Variants in EXOC4 observed in about 807,000 individuals in gnomAD.
EXOC4 encodes the protein exocyst complex component 4, also known as SEC8-like 1.
A neutral mutation model predicts 107.2 loss-of-function variants in EXOC4; 71 were observed. The observed-to-expected ratio is 0.66, with a 90% CI of 0.55 to 0.81. The LOEUF is 0.81. Ranked by LOEUF, EXOC4 falls within the 30% of genes least tolerant of loss-of-function variation. EXOC4 has a pLI of 0.00. For missense variants in EXOC4, 1,108 were observed against 1,189.6 expected, an observed-to-expected ratio of 0.93 and a Z score of 1.01; for synonymous variants, 456 against 441.2, an observed-to-expected ratio of 1.03 and a Z score of -0.42.
intron 9 of EXOC4, among the ~76,000 whole-genome samples, chr7:133,507,918 G>T (rs935234695): frequency 1.3e-5 from 2 of 151,952 alleles, no homozygotes; most frequent in Non-Finnish European, 2.9e-5. Context: ...AAAATTAACT[G>T]GGCATGGTAG....
At position 133,475,025 on chromosome 7, in the gene EXOC4, G is replaced by A. The variant is rs866821265; in HGVS notation, c.1183-303G>A. 5.1e-4 allele frequency among the ~76,000 whole-genome samples: 77 copies of A among 152,226 alleles called. 1 individual carries two copies. Among genetic ancestry groups the A allele is most frequent in the African/African-American group, 1.7e-3 (70 of 41,536 alleles). On this transcript the variant is annotated intron_variant, in intron 7 of 17. Coordinates refer to ENST00000253861, the MANE Select transcript of EXOC4 (RefSeq NM_021807.4). Reference sequence around the variant, plus strand: ...ATGAGGATTAAATTGTGATTAAAGAGGAATGTTGATTAACTCACTCAGCAC... The same window carrying A: ...ATGAGGATTAAATTGTGATTAAAGAAGAATGTTGATTAACTCACTCAGCAC...
intron 9 of EXOC4, among the ~76,000 whole-genome samples, chr7:133,490,078 T>C (rs1415982649): frequency 6.6e-6 from 1 of 152,178 alleles, no homozygotes; most frequent in Non-Finnish European, 1.5e-5. Flanking sequence ...TGGAATGTGG[T>C]AAGTCCTCCT....
intron 7 of EXOC4, among the ~76,000 whole-genome samples, chr7:133,412,709 T>TA (rs933850216): frequency 2.0e-5 from 3 of 152,050 alleles, no homozygotes; most frequent in African/African-American, 7.2e-5. Context: ...GCCTAATTCA[T>TA]GTGACACCAT....
In EXOC4 at chr7:134,052,201, C is replaced by T. The variant is rs76695202; in HGVS notation, c.2688-12090C>T. On this transcript the variant is annotated intron_variant, in intron 17 of 17. Transcript: ENST00000253861. ...TCAACAATGAAAAGGAGAAAAGACA[C>T]GAGGGGAGAGATGGAGTGGACATGG... 9.8e-3 allele frequency among the ~76,000 whole-genome samples: 1,492 copies of T among 152,038 alleles called. 26 individuals are homozygous for T. Among genetic ancestry groups the T allele is most frequent in the African/African-American group, 0.035 (1,443 of 41,472 alleles).
chr7:133,971,381 G>A (rs1157408614), intron 14 of EXOC4, among the ~76,000 whole-genome samples: 1 of 139,296 alleles, frequency 7.2e-6, no homozygotes, highest in Non-Finnish European at 1.5e-5. Context: ...GAGAGAGAGA[G>A]AGAGAGAGAG....
At chr7:133,966,588 G>A (rs1043765512) in intron 14 of EXOC4, among the ~76,000 whole-genome samples, 3 of 152,154 alleles carry the variant, frequency 2.0e-5, no homozygotes, top group African/African-American at 4.8e-5. Context: ...ATAATCATGT[G>A]GTTTTGGTCA....
chr7:133,945,355 G>A (rs945714015), intron 14 of EXOC4, among the ~76,000 whole-genome samples: 1 of 152,148 alleles, frequency 6.6e-6, no homozygotes, highest in African/African-American at 2.4e-5. Flanking sequence ...CTCTATATTT[G>A]GGAAATGCTT....
At chr7:133,475,196 A>G (rs1798981659) in intron 7 of EXOC4, 132 bp from the exon 8 acceptor site, 3 of 707,328 alleles carry the variant, frequency 4.2e-6, no homozygotes, top group Non-Finnish European at 6.7e-6. Context: ...CAACTTGGAA[A>G]ATGAATGACC....
chr7:134,014,459 T>G (rs1794851338), intron 17 of EXOC4, among the ~76,000 whole-genome samples: 1 of 152,212 alleles, frequency 6.6e-6, no homozygotes, highest in Non-Finnish European at 1.5e-5. Context: ...TAGAACGTGG[T>G]ACATTCATAC....
chr7:133,401,620 C>T (rs1341773028), intron 7 of EXOC4, among the ~76,000 whole-genome samples: 1 of 150,874 alleles, frequency 6.6e-6, no homozygotes, highest in East Asian at 1.9e-4. Flanking sequence ...TATGTTGCTG[C>T]CACTGCACTC....
intron 5 of EXOC4, among the ~76,000 whole-genome samples, chr7:133,352,527 G>C (rs1261697838): frequency 1.3e-5 from 2 of 151,542 alleles, no homozygotes; most frequent in African/African-American, 2.4e-5. Flanking sequence ...CAGCCTATTT[G>C]TGCCTTTGAA....
downstream of EXOC4, among the ~76,000 whole-genome samples, chr7:134,067,660 C>CACACAT (rs1227712131): frequency 2.7e-4 from 5 of 18,186 alleles, no homozygotes; most frequent in African/African-American, 1.9e-3. Flanking sequence ...CACACACACA[C>CACACAT]ACACACACAC....
intron 7 of EXOC4, among the ~76,000 whole-genome samples, chr7:133,391,010 T>C (rs1185513177): frequency 6.6e-6 from 1 of 152,208 alleles, no homozygotes; most frequent in Non-Finnish European, 1.5e-5. Context: ...TCAGTAAGAT[T>C]ATATAGAAAA....
chr7:133,668,338 A>C (rs1793863104), intron 10 of EXOC4, among the ~76,000 whole-genome samples: 6 of 152,222 alleles, frequency 3.9e-5, no homozygotes, highest in Admixed American at 3.9e-4. Context: ...TCATTTGCCT[A>C]ATCGCCTGTT....
chr7:133,556,809 G>T (rs962382801), intron 9 of EXOC4, among the ~76,000 whole-genome samples: 2 of 152,154 alleles, frequency 1.3e-5, no homozygotes, highest in African/African-American at 4.8e-5. Flanking sequence ...AGGACTAAGG[G>T]CTTGATCTTC....
intron 9 of EXOC4, among the ~76,000 whole-genome samples, chr7:133,581,978 A>T (rs1801287801): frequency 1.3e-5 from 2 of 151,984 alleles, no homozygotes; most frequent in African/African-American, 4.8e-5. Context: ...GTCTCGTGAG[A>T]ACTCCGTCAC....
At chr7:133,469,031 C>T (rs1798803939) in intron 7 of EXOC4, among the ~76,000 whole-genome samples, 1 of 152,098 alleles carries the variant, frequency 6.6e-6, no homozygotes, top group African/African-American at 2.4e-5. Flanking sequence ...TACTATTTCT[C>T]ATGTCATGAG....
chr7:133,257,239 G>A (rs35952093), intron 1 of EXOC4, among the ~76,000 whole-genome samples: 1 of 151,520 alleles, frequency 6.6e-6, no homozygotes, highest in African/African-American at 2.4e-5. Flanking sequence ...GGAACTAACC[G>A]GGGGGGACAG....
intron 9 of EXOC4, among the ~76,000 whole-genome samples, chr7:133,537,163 T>G (rs1401179236): frequency 6.6e-6 from 1 of 152,032 alleles, no homozygotes; most frequent in Non-Finnish European, 1.5e-5. Context: ...ATTTTTTTTT[T>G]TCTTTGAGAT....
Sources: gnomAD v4.1 joint callset for allele counts (sites outside exome capture counted in the v4.1 genomes callset) on GRCh38, gnomAD v4.1.1 for gene constraint, MANE v1.5 for transcripts, NCBI Gene and HGNC (gene_info 2026-07-23, HGNC 2026-07-21) for gene names.